PDE1C: variants seen among roughly 807,000 people sequenced by gnomAD.
The protein encoded by PDE1C is phosphodiesterase 1C.
Under a neutral mutation model 93.1 loss-of-function variants are expected in PDE1C, and 62 were observed. The ratio of observed to expected loss-of-function variants is 0.67; its 90% CI spans 0.54 to 0.82. The LOEUF is 0.82. Among genes scored for constraint, PDE1C ranks in the 40% least tolerant of loss-of-function variants. The pLI is 0.00. For synonymous variants in PDE1C, 325 were observed against 310.1 expected (o/e 1.05, Z -0.50); for missense variants, 742 against 884.6 (o/e 0.84, Z 2.04).
In PDE1C at chr7:31,889,201, C is replaced by T. The variant is rs972348858; in HGVS notation, c.129-8341G>A. 3.3e-5 allele frequency among the ~76,000 whole-genome samples: 5 copies of T among 152,180 alleles called. 1 individual carries two copies. The highest frequency in any genetic ancestry group is 1.2e-4 in the African/African-American group (5 of 41,448). On this transcript the variant is annotated intron_variant, in intron 2 of 17. Transcript: ENST00000396191. ...AAATATAGTTGATGTGGTAAAACAA[C>T]AAAACTGTTGTTACTATCCTACATA...
At chr7:31,716,681 C>T in the PDE1C span, among the ~76,000 whole-genome samples, 1 of 152,118 alleles carries the variant, frequency 6.6e-6, no homozygotes, top group East Asian at 1.9e-4. Flanking sequence ...AGTTATATTG[C>T]TTTCTTGTCT....
the PDE1C span, among the ~76,000 whole-genome samples, chr7:31,698,202 A>T: frequency 6.6e-6 from 1 of 152,242 alleles, no homozygotes; most frequent in Non-Finnish European, 1.5e-5. Context: ...GTTTCATTTA[A>T]TAAAGAAAAA....
intron 2 of PDE1C, among the ~76,000 whole-genome samples, chr7:31,946,884 A>G (rs1440102849): frequency 6.6e-6 from 1 of 152,154 alleles, no homozygotes; most frequent in African/African-American, 2.4e-5. Flanking sequence ...GGCATGTCCT[A>G]TCATTTTCTG....
intron 2 of PDE1C, among the ~76,000 whole-genome samples, chr7:31,964,034 T>C (rs1283107530): frequency 6.6e-6 from 1 of 152,204 alleles, no homozygotes; most frequent in African/African-American, 2.4e-5. Context: ...GTGTGAGCGA[T>C]AAAGAAGACG....
chr7:31,907,446 C>G (rs1268787213), intron 2 of PDE1C, among the ~76,000 whole-genome samples: 1 of 152,114 alleles, frequency 6.6e-6, no homozygotes, highest in Non-Finnish European at 1.5e-5. Flanking sequence ...ATGAGCCTAA[C>G]AGAGTTATAT....
At chr7:31,825,345 G>A (rs1789514050) in intron 12 of PDE1C, among the ~76,000 whole-genome samples, 1 of 152,106 alleles carries the variant, frequency 6.6e-6, no homozygotes, top group African/African-American at 2.4e-5. Flanking sequence ...AGGAAGATGT[G>A]GCTATTCACT....
intron 9 of PDE1C, among the ~76,000 whole-genome samples, chr7:31,840,164 T>C (rs1791672764): frequency 6.6e-6 from 1 of 152,234 alleles, no homozygotes; most frequent in African/African-American, 2.4e-5. Context: ...ATTTCAGCCA[T>C]TCTTCTGATG....
At chr7:32,088,027 TAAAA>T (rs56733244) in intron 3 of PDE1C, among the ~76,000 whole-genome samples, 3 of 151,008 alleles carry the variant, frequency 2.0e-5, no homozygotes, top group Non-Finnish European at 3.0e-5. Flanking sequence ...AAATAAAAAA[TAAAA>T]AAAAGAAAAT....
chr7:32,212,025 C>CAA lies in PDE1C; in HGVS notation c.86-2488_86-2487dup, dbSNP rs35827566. On this transcript the variant is annotated intron_variant, in intron 1 of 18. Transcript: ENST00000396193. ...TGGGCAACAGAACGAGAACCTATCT[C>CAA]AAAAAAAAAAAAAAAAAAAAGAAAG... Among the ~76,000 whole-genome samples, 82 of 81,238 alleles carry CAA rather than the reference C, an allele frequency of 1.0e-3. 3 individuals are homozygous for CAA. Among genetic ancestry groups the CAA allele is most frequent in the African/African-American group, 3.4e-3 (75 of 22,240 alleles). The allele number at this position is 81,238 out of a possible 152,430, so 53.3% of individuals were successfully genotyped here.
chr7:32,112,802 ATATGTGTG>A lies in PDE1C; in HGVS notation c.308+56975_308+56982del, dbSNP rs1232550724. 9.5e-3 allele frequency among the ~76,000 whole-genome samples: 930 copies of A among 98,332 alleles called. 7 individuals are homozygous for A. Among genetic ancestry groups the A allele is most frequent in the South Asian group, 0.021 (58 of 2,740 alleles). 64.5% of individuals were successfully genotyped at this position (98,332 alleles called of 152,430 possible). On this transcript the variant is annotated intron_variant, in intron 3 of 18. Transcript: ENST00000396193. ...TTACATATAAAACATATATATACAT[ATATGTGTG>A]TGTGTGTGTGTGTGTGTGTGTGTGT...
chr7:32,155,330 C>T (rs1046245568), intron 3 of PDE1C, among the ~76,000 whole-genome samples: 9 of 152,212 alleles, frequency 5.9e-5, no homozygotes, highest in Non-Finnish European at 1.2e-4. Context: ...AAACACCTGT[C>T]TCACAGGGTT....
Position 32,289,820 on chromosome 7 carries a change from G to A in PDE1C, c.85+8831C>T, listed in dbSNP as rs140902992. On this transcript the variant is annotated intron_variant, in intron 1 of 18. Transcript: ENST00000396193. ...TTCTCCTTTTCTCCTCCCCAAGCCC[G>A]TGGAATCGCACCTGAGCCACTCTAT... is the stretch of plus-strand genomic sequence containing the variant. Among the ~76,000 whole-genome samples, 84 of 152,274 alleles carry A rather than the reference G, an allele frequency of 5.5e-4. 1 individual carries two copies. The highest frequency in any genetic ancestry group is 2.7e-3 in the East Asian group (14 of 5,186).
intron 6 of PDE1C, among the ~76,000 whole-genome samples, chr7:31,871,070 TAAATCCACGTATTTG>T (rs1795889903): frequency 6.6e-6 from 1 of 151,812 alleles, no homozygotes; most frequent in Admixed American, 6.6e-5. Context: ...AACCCATAAA[TAAATCCACGTATTTG>T]CAGCTAACTG....
chr7:32,411,248 C>A (rs1028901380), intron 1 of PDE1C, among the ~76,000 whole-genome samples: 1 of 152,092 alleles, frequency 6.6e-6, no homozygotes, highest in African/African-American at 2.4e-5. Context: ...ATGAGCAAAC[C>A]GTAGTAGAGT....
intron 16 of PDE1C, among the ~76,000 whole-genome samples, chr7:31,776,402 G>C (rs1157248252): frequency 6.6e-6 from 1 of 152,136 alleles, no homozygotes; most frequent in Admixed American, 6.5e-5. Context: ...TAGTTTCCCA[G>C]CAACTGGCAA....
intron 1 of PDE1C, among the ~76,000 whole-genome samples, chr7:32,419,411 C>T (rs1785341409): frequency 6.6e-6 from 1 of 152,190 alleles, no homozygotes; most frequent in Non-Finnish European, 1.5e-5. Flanking sequence ...TAACTACTCC[C>T]TCCCTACCCG....
intron 3 of PDE1C, among the ~76,000 whole-genome samples, chr7:32,092,520 C>T (rs1797525454): frequency 6.6e-6 from 1 of 152,180 alleles, no homozygotes; most frequent in Non-Finnish European, 1.5e-5. Flanking sequence ...AAAACACAGG[C>T]ATTTCTGGCT....
rs57740255 is a variant in PDE1C at position 32,339,010 on chromosome 7, GCACACACA to G, written c.310+88804_310+88811del. ...AGAGCTAGACTCCATCTCAAAAAAA[GCACACACA>G]CACACACACACACACACACACACAC... On this transcript the variant is annotated intron_variant, in intron 1 of 1. Coordinates refer to the PDE1C transcript ENST00000672256. Among the ~76,000 whole-genome samples the G allele has an allele frequency of 4.3e-3, 599 of 138,624 alleles. 14 individuals are homozygous for G. Among genetic ancestry groups the G allele is most frequent in the East Asian group, 0.013 (61 of 4,640 alleles). 90.9% of individuals were successfully genotyped at this position (138,624 alleles called of 152,430 possible).
chr7:31,953,843 T>C (rs1807748137), intron 2 of PDE1C, among the ~76,000 whole-genome samples: 2 of 151,910 alleles, frequency 1.3e-5, no homozygotes, highest in South Asian at 2.1e-4. Flanking sequence ...TAGTAAAATA[T>C]TAAGAAAAAA....
Sources: allele counts gnomAD v4.1 joint callset (sites outside exome capture counted in the v4.1 genomes callset), GRCh38; gene constraint gnomAD v4.1.1; transcripts MANE v1.5; gene names NCBI Gene and HGNC (gene_info 2026-07-23, HGNC 2026-07-21).